Variants in PRPF6 observed in about 807,000 individuals in gnomAD.
PRPF6 encodes pre-mRNA processing factor 6, also known as pre-mRNA-processing factor 6.
In PRPF6, 42 loss-of-function variants were observed where a neutral mutation model predicts 118.3. That is an observed-to-expected ratio of 0.35 (90% CI 0.28 to 0.46). PRPF6 has a LOEUF of 0.46. PRPF6 is among the 20% of genes least tolerant of loss of function. PRPF6 has a pLI of 1.00. For synonymous variants in PRPF6, 481 were observed against 485.1 expected, an observed-to-expected ratio of 0.99 and a Z score of 0.11; for missense variants, 662 against 1,255.7, an observed-to-expected ratio of 0.53 and a Z score of 7.15.
chr20:63,994,991 C>A lies in PRPF6; in HGVS notation c.514C>A (p.Arg172=). 1 of 1,614,182 alleles carries A rather than the reference C, an allele frequency of 6.2e-7. No homozygotes were observed. The highest frequency in any genetic ancestry group is 8.5e-7 in the Non-Finnish European group (1 of 1,180,044). The change falls in exon 5 of 21, where the codon CGG becomes AGG. Residue 172 remains arginine (R), a synonymous_variant. Coordinates refer to ENST00000266079, the MANE Select transcript of PRPF6 (RefSeq NM_012469.4). ...EVGDARNKRQ[R]NPRYEKLTPV... is the part of the protein sequence containing the mutation. The stretch of plus-strand genomic sequence containing the variant: ...TGGCGATGCCAGAAATAAACGTCAG[C>A]GGAACCCACGCTATGAGAAGCTGAC...
intron 13 of PRPF6, among the ~76,000 whole-genome samples, chr20:64,023,115 G>A (rs1388705782): frequency 2.6e-5 from 4 of 152,322 alleles, no homozygotes; most frequent in East Asian, 3.9e-4. Flanking sequence ...AAGGAACCCC[G>A]GGGGCCCGTC....
rs1487119789 is a variant in PRPF6 at position 64,028,084 on chromosome 20, T to C, written c.2339+348T>C. Among the ~76,000 whole-genome samples, 1 of 152,046 alleles carries C rather than the reference T, an allele frequency of 6.6e-6. No individual in the cohort carries two copies. The highest frequency in any genetic ancestry group is 2.1e-4 in the South Asian group (1 of 4,822). On this transcript the variant is annotated intron_variant, in intron 17 of 20. Coordinates refer to ENST00000266079, the MANE Select transcript of PRPF6 (RefSeq NM_012469.4). This position sits in a 1 kb window ranked among gnomAD's most constrained non-coding sequence, Gnocchi z 6.5. ...AGAGCCCTGGAGGTGGACAGGAGCC[T>C]GCTAGGTGCAGGCTCTGTTCATGGA...
intron 19 of PRPF6, among the ~76,000 whole-genome samples, chr20:64,031,229 T>C (rs955867654): frequency 1.3e-5 from 2 of 152,258 alleles, no homozygotes; most frequent in African/African-American, 4.8e-5. Context: ...TGGGGCAGGA[T>C]GATCCAGCAG....
Position 64,026,540 on chromosome 20 carries a change from C to T in PRPF6, c.2029-442C>T, listed in dbSNP as rs540884285. On this transcript the variant is annotated intron_variant, in intron 15 of 20. Coordinates refer to ENST00000266079, the MANE Select transcript of PRPF6 (RefSeq NM_012469.4). The surrounding 1 kb of genome is among the most constrained non-coding windows in gnomAD (Gnocchi z 4.4). ...ACAACAACAAACATGTTCATACGGC[C>T]GGGTGTGGTGGCTCACGCCTGTAAT... 2.7e-5 allele frequency among the ~76,000 whole-genome samples: 4 copies of T among 150,592 alleles called. No homozygotes were observed. The highest frequency in any genetic ancestry group is 4.4e-5 in the Non-Finnish European group (3 of 67,794).
At chr20:64,019,979 C>T (rs1469197095) in intron 12 of PRPF6, among the ~76,000 whole-genome samples, 1 of 152,194 alleles carries the variant, frequency 6.6e-6, no homozygotes, top group East Asian at 1.9e-4. Context: ...CTTGGGTGCC[C>T]CTGTGTGGGG....
At chr20:64,031,120 A>C (rs2145401823) in intron 19 of PRPF6, among the ~76,000 whole-genome samples, 1 of 152,336 alleles carries the variant, frequency 6.6e-6, no homozygotes. Context: ...CGGCGGTGTG[A>C]ATCCAGTGGC....
chr20:64,027,700 A>C lies in PRPF6; in HGVS notation c.2303A>C (p.Lys768Thr), dbSNP rs1008241298. 2 of 1,614,046 alleles carry C rather than the reference A, an allele frequency of 1.2e-6. No individual in the cohort carries two copies. The highest frequency in any genetic ancestry group is 1.7e-6 in the Non-Finnish European group (2 of 1,180,022). The change falls in exon 17 of 21, where the codon AAG (lysine) becomes ACG (threonine). Residue 768 changes from lysine to threonine, a missense_variant. Physicochemically the swap from Lys to Thr is moderately conservative, Grantham distance 78. Transcript: ENST00000266079. The surrounding 1 kb of genome is among the most constrained non-coding windows in gnomAD (Gnocchi z 6.5). ...QLTRARAILE[K>T]SRLKNPKNPG... The stretch of plus-strand genomic sequence containing the variant: ...ACTCGAGCACGGGCCATTTTGGAAA[A>C]GTCTCGTCTGAAGAACCCAAAGAAC...
intron 12 of PRPF6, 92 bp downstream of exon 12, chr20:64,016,937 CTCTT>C (rs2123066799): frequency 2.0e-6 from 3 of 1,489,366 alleles, no homozygotes; most frequent in East Asian, 2.3e-5. Flanking sequence ...TATTTTAAAA[CTCTT>C]TTTTTTTTTT....
In PRPF6 at chr20:64,027,385, C is replaced by G. The variant is rs1225125319; in HGVS notation, c.2206-218C>G. ...GCTCAGAAGTGCAGAGTGTGGCACA[C>G]CTGCAGTAAAGGCTGGTACGTACAG... On this transcript the variant is annotated intron_variant, in intron 16 of 20. Coordinates refer to ENST00000266079, the MANE Select transcript of PRPF6 (RefSeq NM_012469.4). The surrounding 1 kb of genome is among the most constrained non-coding windows in gnomAD (Gnocchi z 6.5). Among the ~76,000 whole-genome samples the G allele has an allele frequency of 6.6e-6, 1 of 152,140 alleles. No homozygotes were observed. The highest frequency in any genetic ancestry group is 1.5e-5 in the Non-Finnish European group (1 of 68,022).
chr20:64,006,448 A>G (rs942846327), intron 9 of PRPF6, among the ~76,000 whole-genome samples: 5 of 151,364 alleles, frequency 3.3e-5, no homozygotes, highest in African/African-American at 1.2e-4. Context: ...TCCCAAGTAG[A>G]TGGGATTACA....
chr20:64,011,561 G>C lies in PRPF6; in HGVS notation c.1524+58G>C. 6.5e-7 allele frequency: 1 copy of C among 1,539,154 alleles called. No individual in the cohort carries two copies. The highest frequency in any genetic ancestry group is 8.8e-7 in the Non-Finnish European group (1 of 1,135,700). On this transcript the variant is annotated intron_variant, in intron 11 of 20. Transcript: ENST00000266079. This position sits in a 1 kb window ranked among gnomAD's most constrained non-coding sequence, Gnocchi z 6.7. Reference sequence around the variant, plus strand: ...TTAACAGTGCACATGCAGCACGTGAGAGTCCCACGCAGGACTGGGGGTTGC... The same window carrying C: ...TTAACAGTGCACATGCAGCACGTGACAGTCCCACGCAGGACTGGGGGTTGC...
intron 7 of PRPF6, among the ~76,000 whole-genome samples, chr20:63,999,397 G>A (rs1211413025): frequency 6.6e-6 from 1 of 152,236 alleles, no homozygotes; most frequent in African/African-American, 2.4e-5. Context: ...TGTCCCATCT[G>A]GACCTTCGGT....
intron 8 of PRPF6, among the ~76,000 whole-genome samples, chr20:64,000,456 CAAAA>C (rs11476285): frequency 1.8e-5 from 2 of 111,408 alleles, no homozygotes; most frequent in Non-Finnish European, 1.9e-5. Flanking sequence ...GATTCCGTCT[CAAAA>C]AAAAAAAAAA....
chr20:63,999,239 C>T (rs557775585), intron 7 of PRPF6, 100 bp downstream of exon 7: 20 of 989,898 alleles, frequency 2.0e-5, no homozygotes, highest in South Asian at 4.0e-5. Flanking sequence ...TGGGACATGG[C>T]GGTTCTAAGA....
intron 9 of PRPF6, among the ~76,000 whole-genome samples, chr20:64,002,850 A>G (rs1207612533): frequency 2.8e-5 from 4 of 145,036 alleles, no homozygotes; most frequent in Non-Finnish European, 6.0e-5. Context: ...CACTGTGTTG[A>G]CCAGGCTGGT....
chr20:64,015,311 C>T (rs1428914849), intron 11 of PRPF6, among the ~76,000 whole-genome samples: 1 of 152,230 alleles, frequency 6.6e-6, no homozygotes, highest in Non-Finnish European at 1.5e-5. Context: ...CCGCAGGCCC[C>T]TGAGGGTCTG....
At chr20:64,015,524 G>A (rs1029365947) in intron 11 of PRPF6, among the ~76,000 whole-genome samples, 3 of 152,222 alleles carry the variant, frequency 2.0e-5, no homozygotes, top group African/African-American at 7.2e-5. Context: ...TTGGCATGCC[G>A]CAGTGGTGCC....
In PRPF6 at chr20:64,007,921, T is replaced by G. The variant is rs2427585; in HGVS notation, c.1187-2279T>G. ...CCTCCCCAGTAGCTGGGATTACAGG[T>G]GCATGCCACCATACCTGGCTAATTT... is the stretch of plus-strand genomic sequence containing the variant. On this transcript the variant is annotated intron_variant, in intron 9 of 20. Transcript: ENST00000266079. Among the ~76,000 whole-genome samples, 8 of 151,968 alleles carry G rather than the reference T, an allele frequency of 5.3e-5. No homozygotes were observed. In the East Asian group the frequency reaches 7.7e-4, roughly 15 times the overall value.
intron 9 of PRPF6, among the ~76,000 whole-genome samples, chr20:64,002,599 G>C (rs572943451): frequency 1.2e-3 from 185 of 151,500 alleles, no homozygotes; most frequent in African/African-American, 4.3e-3. Context: ...GCCTCCCAAA[G>C]TGCAGGGATT....
Sources: allele counts gnomAD v4.1 joint callset (sites outside exome capture counted in the v4.1 genomes callset), GRCh38; gene constraint gnomAD v4.1.1; non-coding constraint Gnocchi (gnomAD v3.1); transcripts MANE v1.5; gene names NCBI Gene and HGNC (gene_info 2026-07-23, HGNC 2026-07-21).